Variants in LPAR6 observed in about 807,000 individuals in gnomAD.
LPAR6 encodes the protein lysophosphatidic acid receptor 6.
LPAR6 carries 17 observed loss-of-function variants against 22.0 expected under a neutral mutation model. The observed-to-expected ratio is 0.77, with a 90% CI of 0.53 to 1.16. LPAR6 has a LOEUF of 1.16. Ranked by LOEUF, LPAR6 falls within the 50% of genes most tolerant of loss-of-function variation. The probability of loss-of-function intolerance (pLI) is 0.00; values close to 1 mark genes in which losing one functional copy is unlikely to be tolerated. For missense variants in LPAR6, 384 were observed against 406.9 expected (o/e 0.94, Z 0.48); for synonymous variants, 136 against 139.8 (o/e 0.97, Z 0.19).
chr13:48,435,521 T>C (rs1331140781), intron 1 of LPAR6, among the ~76,000 whole-genome samples: 2 of 152,204 alleles, frequency 1.3e-5, no homozygotes, highest in Non-Finnish European at 2.9e-5. Context: ...CTGTAGCTTC[T>C]TTCTTCATCT....
chr13:48,397,795 T>A (rs1948660384), intron 1 of LPAR6, among the ~76,000 whole-genome samples: 1 of 152,168 alleles, frequency 6.6e-6, no homozygotes, highest in Non-Finnish European at 1.5e-5. Flanking sequence ...ATTTTAAGCT[T>A]TTTTGGTATT....
chr13:48,438,617 C>T (rs1271167676), intron 1 of LPAR6, among the ~76,000 whole-genome samples: 1 of 151,932 alleles, frequency 6.6e-6, no homozygotes, highest in Non-Finnish European at 1.5e-5. Flanking sequence ...GCTCTGAAAT[C>T]AAACAGTTTG....
chr13:48,434,442 T>G (rs1949161769), intron 1 of LPAR6, among the ~76,000 whole-genome samples: 1 of 152,160 alleles, frequency 6.6e-6, no homozygotes, highest in African/African-American at 2.4e-5. Flanking sequence ...CTTCAGGTGC[T>G]TTTATCCAAC....
At chr13:48,426,610 G>A (rs1431683750) in intron 1 of LPAR6, 1 of 152,110 alleles carries the variant, frequency 6.6e-6, no homozygotes, top group East Asian at 1.9e-4. Context: ...CATCTTCTTT[G>A]GTATATAGTT....
chr13:48,418,849 A>T (rs1157787226), intron 2 of LPAR6, among the ~76,000 whole-genome samples: 1 of 152,212 alleles, frequency 6.6e-6, no homozygotes, highest in Non-Finnish European at 1.5e-5. Context: ...TATCCTAAGT[A>T]TGTATGCACC....
intron 1 of LPAR6, among the ~76,000 whole-genome samples, chr13:48,436,546 G>A (rs1308323913): frequency 6.6e-6 from 1 of 152,072 alleles, no homozygotes; most frequent in African/African-American, 2.4e-5. Context: ...GGGAGGCTGA[G>A]GCAGGAGAAT....
downstream of LPAR6, among the ~76,000 whole-genome samples, chr13:48,410,832 T>C (rs1183781681): frequency 6.6e-6 from 1 of 152,156 alleles, no homozygotes; most frequent in Non-Finnish European, 1.5e-5. Context: ...CTGCTCAAGA[T>C]CTTCCAACAA....
At position 48,411,668 on chromosome 13, in the gene LPAR6, A is replaced by G. The variant is rs944321155; in HGVS notation, c.756T>C (p.Tyr252=). Residue 252 remains tyrosine (Y), a synonymous_variant, in exon 1 of 1, where the codon TAT becomes TAC. Coordinates refer to ENST00000620633, the MANE Select transcript of LPAR6 (RefSeq NM_001162498.3). The stretch of plus-strand genomic sequence containing the variant: ...CAAATGTTTGTGTTCTCACAAGAGA[A>G]TATAAAATAAGATTGATATTGTAAG... ...FVPYNINLIL[Y]SLVRTQTFVN... The G allele has an allele frequency of 5.0e-6, 8 of 1,611,080 alleles. No homozygotes were observed. Among genetic ancestry groups the G allele is most frequent in the Non-Finnish European group, 6.8e-6 (8 of 1,177,522 alleles).
At chr13:48,423,317 C>T (rs1949033365) in intron 1 of LPAR6, among the ~76,000 whole-genome samples, 1 of 151,968 alleles carries the variant, frequency 6.6e-6, no homozygotes, top group African/African-American at 2.4e-5. Flanking sequence ...CTCTGTCATC[C>T]AGGCTGGAGT....
chr13:48,412,213 G>C lies in LPAR6; in HGVS notation c.211C>G (p.Pro71Ala). The change falls in exon 1 of 1, where the codon CCC (proline) becomes GCC (alanine). Residue 71 changes from proline to alanine, a missense_variant. By Grantham distance (27) the Pro-to-Ala change is conservative (BLOSUM62 -1). Transcript: ENST00000620633. Reference sequence around the variant, plus strand: ...GTTGTGAAGTAAAAAATCCTGAAGGGTAAAGTAAAAACAAAAAGCAAGTCT... The same window carrying C: ...GTTGTGAAGTAAAAAATCCTGAAGGCTAAAGTAAAAACAAAAAGCAAGTCT... ...MSDLLFVFTL[P>A]FRIFYFTTRN... The C allele has an allele frequency of 6.2e-7, 1 of 1,613,870 alleles. No homozygotes were observed. The highest frequency in any genetic ancestry group is 8.5e-7 in the Non-Finnish European group (1 of 1,179,864).
chr13:48,443,963 C>A (rs915206747), intron 1 of LPAR6, among the ~76,000 whole-genome samples: 1 of 152,180 alleles, frequency 6.6e-6, no homozygotes, highest in African/African-American at 2.4e-5. Flanking sequence ...CAGTTGTCAA[C>A]ACAAAAGACT....
At chr13:48,426,018 A>G (rs1949074927) in intron 1 of LPAR6, among the ~76,000 whole-genome samples, 1 of 152,198 alleles carries the variant, frequency 6.6e-6, no homozygotes, top group South Asian at 2.1e-4. Flanking sequence ...GTATAATGAA[A>G]GAATACAACT....
At chr13:48,417,580 A>G (rs1295905807), upstream of LPAR6, among the ~76,000 whole-genome samples, 1 of 151,586 alleles carries the variant, frequency 6.6e-6, no homozygotes, top group African/African-American at 2.4e-5. Flanking sequence ...AGAATAATAA[A>G]CTCCTCCAAG....
intron 1 of LPAR6, among the ~76,000 whole-genome samples, chr13:48,392,331 G>A (rs749318034): frequency 2.0e-5 from 3 of 151,930 alleles, no homozygotes; most frequent in Non-Finnish European, 2.9e-5. Context: ...GGCTGGTCTC[G>A]AACTCCTGAT....
downstream of LPAR6, among the ~76,000 whole-genome samples, chr13:48,409,256 A>G (rs569249467): frequency 6.6e-6 from 1 of 150,806 alleles, no homozygotes; most frequent in African/African-American, 2.4e-5. Context: ...TGAAGGCATT[A>G]AAGATGTATT....
Position 48,437,273 on chromosome 13 carries a change from A to G in LPAR6, c.-1474+7280T>C, listed in dbSNP as rs1210116459. Among the ~76,000 whole-genome samples the G allele has an allele frequency of 2.6e-5, 4 of 152,344 alleles. No individual in the cohort carries two copies. In the East Asian group the frequency reaches 7.7e-4, roughly 29 times the overall value. On this transcript the variant is annotated intron_variant, in intron 1 of 6. Coordinates refer to the LPAR6 transcript ENST00000378434. ...ATAAGTAATAACATGAGTTGAGTAC[A>G]AGAGAAAACTACTGCCCAAGTCCTG...
intron 1 of LPAR6, among the ~76,000 whole-genome samples, chr13:48,404,018 A>G (rs1948716900): frequency 6.6e-6 from 1 of 152,116 alleles, no homozygotes; most frequent in Non-Finnish European, 1.5e-5. Context: ...AACGAAAAAA[A>G]AGCACCTTCC....
At chr13:48,414,194 A>C (rs576381802), upstream of LPAR6, among the ~76,000 whole-genome samples, 2 of 152,274 alleles carry the variant, frequency 1.3e-5, no homozygotes, top group African/African-American at 4.8e-5. Flanking sequence ...CCAAAAATAC[A>C]AAACTAGCCT....
chr13:48,411,230 G>T lies in LPAR6; in HGVS notation c.*159C>A. ...ATACACAAATAAAATACATGTTAAT[G>T]CTTAACACATTGAATACAAATTTTC... On this transcript the variant is annotated 3_prime_UTR_variant, in exon 1 of 1. Transcript: ENST00000620633. 1.5e-6 allele frequency: 1 copy of T among 645,216 alleles called. No homozygotes were observed. The highest frequency in any genetic ancestry group is 2.5e-5 in the Admixed American group (1 of 39,706). 40.0% of individuals were successfully genotyped at this position (645,216 alleles called of 1,614,324 possible).
Sources: gnomAD v4.1 joint callset for allele counts (sites outside exome capture counted in the v4.1 genomes callset) on GRCh38, gnomAD v4.1.1 for gene constraint, MANE v1.5 for transcripts, NCBI Gene and HGNC (gene_info 2026-07-23, HGNC 2026-07-21) for gene names.